The following ZMAT4 variants were observed in gnomAD, a reference collection of about 807,000 sequenced individuals.
ZMAT4 encodes zinc finger matrin-type protein 4.
In ZMAT4, 17 loss-of-function variants were observed where a neutral mutation model predicts 28.7. The ratio of observed to expected loss-of-function variants is 0.59; its 90% CI spans 0.41 to 0.89. ZMAT4 has a LOEUF of 0.89. ZMAT4 is among the 40% of genes least tolerant of loss of function. The pLI is 0.00. For synonymous variants in ZMAT4, 117 were observed against 109.2 expected, an observed-to-expected ratio of 1.07 and a Z score of -0.44; for missense variants, 240 against 283.8, an observed-to-expected ratio of 0.85 and a Z score of 1.11.
intron 1 of ZMAT4, among the ~76,000 whole-genome samples, chr8:40,896,943 C>A (rs956951617): frequency 6.6e-6 from 1 of 151,810 alleles, no homozygotes; most frequent in Non-Finnish European, 1.5e-5. Context: ...GGTACCAAAC[C>A]GAACTCTCTA....
chr8:40,882,636 C>T (rs1818320656), intron 1 of ZMAT4, among the ~76,000 whole-genome samples: 1 of 152,206 alleles, frequency 6.6e-6, no homozygotes, highest in Admixed American at 6.5e-5. Flanking sequence ...GCTTTTATCA[C>T]TTGCCATAAA....
intron 1 of ZMAT4, among the ~76,000 whole-genome samples, chr8:40,831,485 C>T (rs952277112): frequency 3.3e-5 from 5 of 152,292 alleles, no homozygotes; most frequent in East Asian, 3.9e-4. Flanking sequence ...AGTCCCCAGG[C>T]GGCCGCAGCC....
chr8:40,892,880 A>T (rs985214632), intron 1 of ZMAT4, among the ~76,000 whole-genome samples: 1 of 151,936 alleles, frequency 6.6e-6, no homozygotes, highest in Non-Finnish European at 1.5e-5. Context: ...AGATGCCTGC[A>T]CTCCATGGCC....
Position 40,713,798 on chromosome 8 carries a change from A to G in ZMAT4, c.193-16397T>C, listed in dbSNP as rs1810727194. Among the ~76,000 whole-genome samples the G allele has an allele frequency of 1.3e-5, 2 of 151,710 alleles. 1 individual carries two copies. Among genetic ancestry groups the G allele is most frequent in the Admixed American group, 1.3e-4 (2 of 15,220 alleles). On this transcript the variant is annotated intron_variant, in intron 3 of 6. Transcript: ENST00000297737. Reference sequence around the variant, plus strand: ...GTGGCAGGTCCCTGTAATCCCAGCTACTTGAGAGGCTGAGGCAGGAGAATC... The same window carrying G: ...GTGGCAGGTCCCTGTAATCCCAGCTGCTTGAGAGGCTGAGGCAGGAGAATC...
At chr8:40,740,575 C>T (rs1429713116) in intron 3 of ZMAT4, among the ~76,000 whole-genome samples, 2 of 152,056 alleles carry the variant, frequency 1.3e-5, no homozygotes, top group African/African-American at 2.4e-5. Flanking sequence ...TTTAAAATAT[C>T]GGTTTTTATT....
intron 1 of ZMAT4, among the ~76,000 whole-genome samples, chr8:40,837,038 A>G (rs552838947): frequency 2.0e-5 from 3 of 152,346 alleles, no homozygotes; most frequent in African/African-American, 4.8e-5. Context: ...TAATGATGAG[A>G]GACGATTTTC....
chr8:40,560,060 T>C (rs1803683957), intron 6 of ZMAT4, among the ~76,000 whole-genome samples: 1 of 152,120 alleles, frequency 6.6e-6, no homozygotes, highest in South Asian at 2.1e-4. Flanking sequence ...CTCCCACTAA[T>C]TCCTGTCCTA....
At chr8:40,740,041 C>A (rs1475990511) in intron 3 of ZMAT4, among the ~76,000 whole-genome samples, 1 of 152,122 alleles carries the variant, frequency 6.6e-6, no homozygotes. Flanking sequence ...ATCCAGTCTA[C>A]CATTGATGGG....
At chr8:40,592,492 A>C (rs1804930887) in intron 5 of ZMAT4, among the ~76,000 whole-genome samples, 1 of 152,258 alleles carries the variant, frequency 6.6e-6, no homozygotes, top group African/African-American at 2.4e-5. Context: ...CAAAGAACAC[A>C]CAATTTCTAA....
At chr8:40,767,505 G>C (rs1198212126) in intron 3 of ZMAT4, 136 bp downstream of exon 3, 1 of 690,888 alleles carries the variant, frequency 1.4e-6, no homozygotes, top group Non-Finnish European at 2.3e-6. Context: ...CATAGTACCT[G>C]TAATATTTAG....
Position 40,767,709 on chromosome 8 carries a change from C to A in ZMAT4, c.124G>T (p.Val42Phe). 1 of 1,612,550 alleles carries A rather than the reference C, an allele frequency of 6.2e-7. No homozygotes were observed. The highest frequency in any genetic ancestry group is 8.5e-7 in the Non-Finnish European group (1 of 1,179,570). The stretch of plus-strand genomic sequence containing the variant: ...GGGTGAAGCATGTAATACAGTCGGA[C>A]TTTGCTTGCATGTTTTCGACTCTGG... ...HYESRKHASK[V>F]RLYYMLHPRD... Residue 42 changes from valine to phenylalanine, a missense_variant, in exon 3 of 7, where the codon GTC becomes TTC. Physicochemically the swap from Val to Phe is conservative, Grantham distance 50 (BLOSUM62 -1). Coordinates refer to ENST00000297737, the MANE Select transcript of ZMAT4 (RefSeq NM_024645.3).
At chr8:40,691,517 A>G (rs1186846101) in intron 4 of ZMAT4, among the ~76,000 whole-genome samples, 11 of 152,066 alleles carry the variant, frequency 7.2e-5, no homozygotes, top group Admixed American at 7.2e-4. Context: ...CATGACTCAC[A>G]TTTTTCACAA....
intron 1 of ZMAT4, among the ~76,000 whole-genome samples, chr8:40,832,970 G>C (rs1816341316): frequency 6.6e-6 from 1 of 152,144 alleles, no homozygotes; most frequent in Non-Finnish European, 1.5e-5. Context: ...GTACTTTGGT[G>C]GCTGTTGCCT....
At chr8:40,589,603 G>C (rs1314811895) in intron 5 of ZMAT4, among the ~76,000 whole-genome samples, 1 of 152,110 alleles carries the variant, frequency 6.6e-6, no homozygotes, top group African/African-American at 2.4e-5. Flanking sequence ...ACTCCATAGG[G>C]TTTGTAGGAA....
intron 2 of ZMAT4, among the ~76,000 whole-genome samples, chr8:40,791,932 A>G (rs1814342648): frequency 6.6e-6 from 1 of 152,174 alleles, no homozygotes; most frequent in Non-Finnish European, 1.5e-5. Context: ...CAGAGGGGCC[A>G]TAACTCCATG....
intron 3 of ZMAT4, 143 bp from the exon 4 acceptor site, chr8:40,697,544 T>G: frequency 1.1e-6 from 1 of 927,952 alleles, no homozygotes; most frequent in Non-Finnish European, 1.5e-6. Flanking sequence ...CCTTGCTTTC[T>G]ACTCTCTTCT....
rs546239090 is a variant in ZMAT4, at chr8:40,621,180, G to A, written c.578-39919C>T. Among the ~76,000 whole-genome samples the A allele has an allele frequency of 3.3e-5, 5 of 152,248 alleles. No homozygotes were observed. In the East Asian group the frequency reaches 7.7e-4, roughly 24 times the overall value. On this transcript the variant is annotated intron_variant, in intron 5 of 6. Transcript: ENST00000297737. Reference sequence around the variant, plus strand: ...TACCAGCGAGGGAGTGGATCATCTCGGGAAAGTTACTTAGTGCCAGACACA... The same window carrying A: ...TACCAGCGAGGGAGTGGATCATCTCAGGAAAGTTACTTAGTGCCAGACACA...
intron 5 of ZMAT4, among the ~76,000 whole-genome samples, chr8:40,602,765 GT>G (rs1314367392): frequency 6.6e-6 from 1 of 151,718 alleles, no homozygotes; most frequent in Non-Finnish European, 1.5e-5. Context: ...GCTTTGTTTT[GT>G]TTTTTGCTGA....
At chr8:40,609,440 A>AC (rs1805715664) in intron 5 of ZMAT4, among the ~76,000 whole-genome samples, 1 of 151,762 alleles carries the variant, frequency 6.6e-6, no homozygotes, top group Non-Finnish European at 1.5e-5. Flanking sequence ...CCCCTGGTGC[A>AC]CTCCACCACT....
Sources: gnomAD v4.1 joint callset for allele counts (sites outside exome capture counted in the v4.1 genomes callset) on GRCh38, gnomAD v4.1.1 for gene constraint, MANE v1.5 for transcripts, NCBI Gene and HGNC (gene_info 2026-07-23, HGNC 2026-07-21) for gene names.